MAP3K9: variants seen among roughly 807,000 people sequenced by gnomAD.
MAP3K9 encodes mixed lineage kinase 1 (tyr and ser/thr specificity).
MAP3K9 carries 46 observed loss-of-function variants against 95.8 expected under a neutral mutation model. That is an observed-to-expected ratio of 0.48 (90% CI 0.38 to 0.61). MAP3K9 has a LOEUF of 0.61. Ranked by LOEUF, MAP3K9 falls within the 20% of genes least tolerant of loss-of-function variation. MAP3K9 has a pLI of 0.00. For synonymous variants in MAP3K9, 533 were observed against 593.8 expected, an observed-to-expected ratio of 0.90 and a Z score of 1.49; for missense variants, 1,296 against 1,474.3, an observed-to-expected ratio of 0.88 and a Z score of 1.98.
intron 6 of MAP3K9, among the ~76,000 whole-genome samples, chr14:70,741,753 G>A (rs2054072564): frequency 6.6e-6 from 1 of 152,040 alleles, no homozygotes; most frequent in Non-Finnish European, 1.5e-5. Context: ...CAAGGTGGGT[G>A]GATCACTTGA....
chr14:70,770,052 G>A (rs2054509658), intron 2 of MAP3K9, among the ~76,000 whole-genome samples: 1 of 152,186 alleles, frequency 6.6e-6, no homozygotes, highest in Non-Finnish European at 1.5e-5. Context: ...ATTTACAAGA[G>A]CCCTTCCTGG....
At chr14:70,730,924 T>G in intron 11 of MAP3K9, 60 bp from the exon 12 acceptor site, 1 of 1,505,608 alleles carries the variant, frequency 6.6e-7, no homozygotes, top group Non-Finnish European at 8.9e-7. Flanking sequence ...GGGTTAGATA[T>G]CCGCTACTCC....
In MAP3K9 at chr14:70,755,888, C is replaced by T. The variant is rs551601207; in HGVS notation, c.1001+5114G>A. On this transcript the variant is annotated intron_variant, in intron 3 of 11. Coordinates refer to ENST00000554752, the MANE Select transcript of MAP3K9 (RefSeq NM_001284230.2). ...CTAGACTAGAGCAACTAGAGACCTG[C>T]TGGCAGACCATGTGACAATATCCAA... 9.2e-5 allele frequency among the ~76,000 whole-genome samples: 14 copies of T among 152,340 alleles called. No homozygotes were observed. The East Asian group carries it at 2.7e-3, about 29-fold the overall frequency.
intron 2 of MAP3K9, among the ~76,000 whole-genome samples, chr14:70,780,932 C>T (rs767407405): frequency 1.8e-4 from 28 of 152,194 alleles, no homozygotes; most frequent in African/African-American, 4.6e-4. Flanking sequence ...GGGGTGCAGC[C>T]GCCGCACAGG....
At chr14:70,791,557 C>T (rs955728875) in intron 2 of MAP3K9, among the ~76,000 whole-genome samples, 2 of 152,252 alleles carry the variant, frequency 1.3e-5, no homozygotes, top group Non-Finnish European at 2.9e-5. Context: ...AATCCAAGCA[C>T]GCAATTTGCC....
At chr14:70,738,862 G>T (rs890610307) in intron 7 of MAP3K9, among the ~76,000 whole-genome samples, 1 of 152,106 alleles carries the variant, frequency 6.6e-6, no homozygotes. Context: ...AGTGGGAGAA[G>T]GGGAAGAAAG....
chr14:70,772,393 G>T (rs1002613113), intron 2 of MAP3K9, among the ~76,000 whole-genome samples: 1 of 152,214 alleles, frequency 6.6e-6, no homozygotes, highest in South Asian at 2.1e-4. Context: ...GAGAGAGAGA[G>T]AGAGCATTCA....
intron 2 of MAP3K9, among the ~76,000 whole-genome samples, chr14:70,782,628 A>C (rs890126939): frequency 6.6e-6 from 1 of 152,230 alleles, no homozygotes; most frequent in African/African-American, 2.4e-5. Flanking sequence ...CTCTCCATGT[A>C]AGAGCAGGGA....
chr14:70,802,103 C>T lies in MAP3K9; in HGVS notation c.407-1023G>A, dbSNP rs551904836. On this transcript the variant is annotated intron_variant, in intron 1 of 11. Transcript: ENST00000554752. ...AATTTAGAAAGGAAATCAACTCTGG[C>T]AGCCACTGGAAACTAACCTGGAGGA... Among the ~76,000 whole-genome samples, 3 of 152,310 alleles carry T rather than the reference C, an allele frequency of 2.0e-5. No homozygotes were observed. The South Asian group carries it at 6.2e-4, about 32-fold the overall frequency.
intron 2 of MAP3K9, among the ~76,000 whole-genome samples, chr14:70,764,887 T>G (rs993957139): frequency 6.6e-6 from 1 of 152,040 alleles, no homozygotes; most frequent in African/African-American, 2.4e-5. Flanking sequence ...GCTCATAGAA[T>G]AAGGATAAAA....
intron 5 of MAP3K9, among the ~76,000 whole-genome samples, chr14:70,743,049 CG>C (rs1422294786): frequency 1.3e-5 from 2 of 151,810 alleles, no homozygotes; most frequent in African/African-American, 4.8e-5. Flanking sequence ...TGCAGCGGTG[CG>C]ATCTCAGCCC....
At chr14:70,736,765 G>A (rs1006657857) in intron 8 of MAP3K9, among the ~76,000 whole-genome samples, 1 of 152,204 alleles carries the variant, frequency 6.6e-6, no homozygotes, top group African/African-American at 2.4e-5. Flanking sequence ...ACAAAACTTA[G>A]TAGAAGAATC....
chr14:70,780,914 G>A (rs1036179976), intron 2 of MAP3K9, among the ~76,000 whole-genome samples: 2 of 152,240 alleles, frequency 1.3e-5, no homozygotes, highest in Non-Finnish European at 2.9e-5. Context: ...TTCTTGGCAG[G>A]TGGCCATGGG....
At chr14:70,764,709 G>A (rs2054425459) in intron 2 of MAP3K9, among the ~76,000 whole-genome samples, 3 of 152,126 alleles carry the variant, frequency 2.0e-5, no homozygotes, top group African/African-American at 7.2e-5. Flanking sequence ...GTGCATGCCT[G>A]TAGTCCCAGC....
intron 3 of MAP3K9, among the ~76,000 whole-genome samples, chr14:70,760,668 C>T (rs1035464785): frequency 6.6e-6 from 1 of 152,134 alleles, no homozygotes; most frequent in Non-Finnish European, 1.5e-5. Context: ...CTGATCCTCA[C>T]GAAGCTCTCC....
At chr14:70,752,537 G>A (rs1000740373) in intron 3 of MAP3K9, among the ~76,000 whole-genome samples, 2 of 152,120 alleles carry the variant, frequency 1.3e-5, no homozygotes. Context: ...TCATGCTGGG[G>A]AGCTTCTACC....
intron 2 of MAP3K9, among the ~76,000 whole-genome samples, chr14:70,798,767 C>T (rs1005217323): frequency 6.6e-6 from 1 of 151,940 alleles, no homozygotes; most frequent in South Asian, 2.1e-4. Context: ...CGTGAGCCAC[C>T]GCGCCCGGCC....
Position 70,738,300 on chromosome 14 carries a change from G to A in MAP3K9, c.1789C>T (p.Arg597Trp), listed in dbSNP as rs142599599. ...CCAAGCGTCCCTGGCCCCCACGTCC[G>A]TCCCTTCTTCTTTGGGGCCCTCTTC... ...EEKRAPKKKG[R>W]TWGPGTLGQK... The change falls in exon 8 of 12, where the codon CGG becomes TGG. Residue 597 changes from arginine (R) to tryptophan (W), a missense_variant. Transcript: ENST00000554752. The A allele has an allele frequency of 3.5e-4, 560 of 1,613,834 alleles. 4 individuals carry two copies. Among genetic ancestry groups the A allele is most frequent in the Middle Eastern group, 3.0e-3 (18 of 6,060 alleles).
chr14:70,775,039 T>C (rs2054579807), intron 2 of MAP3K9, among the ~76,000 whole-genome samples: 1 of 138,630 alleles, frequency 7.2e-6, no homozygotes, highest in Non-Finnish European at 1.6e-5. Context: ...GCTTAATACA[T>C]GTAACTATAT....
Sources: allele counts gnomAD v4.1 joint callset (sites outside exome capture counted in the v4.1 genomes callset), GRCh38; gene constraint gnomAD v4.1.1; transcripts MANE v1.5; gene names NCBI Gene and HGNC (gene_info 2026-07-23, HGNC 2026-07-21).